The following DMD variants were observed in gnomAD, a reference collection of about 807,000 sequenced individuals.
DMD encodes the protein mutant dystrophin.
A neutral mutation model predicts 330.1 loss-of-function variants in DMD; 63 were observed. The ratio of observed to expected loss-of-function variants is 0.19; its 90% CI spans 0.16 to 0.24. The LOEUF is 0.24. DMD is among the 10% of genes least tolerant of loss of function. The pLI, the probability that DMD is intolerant of heterozygous loss-of-function variation, is 1.00. For synonymous variants in DMD, 1,223 were observed against 959.8 expected (o/e 1.27, Z -5.07); for missense variants, 3,344 against 2,684.1 (o/e 1.25, Z -5.43).
chrX:32,038,547 A>T (rs1413427206), intron 44 of DMD, among the ~76,000 whole-genome samples: 3 of 111,318 alleles, frequency 2.7e-5, no homozygotes, highest in Non-Finnish European at 5.7e-5. Context: ...TTAGAGGGAT[A>T]GACAGAGTTC....
In DMD at chrX:32,408,097, C is replaced by T. The variant is rs181988967; in HGVS notation, c.4233+3655G>A. ...ATGCAACTAACCTGCACGTTGTGCA[C>T]ATGTACCCTAAAACTTAAAGTATTA... On this transcript the variant is annotated intron_variant, in intron 30 of 78. Coordinates refer to ENST00000357033, the MANE Select transcript of DMD (RefSeq NM_004006.3). Among the ~76,000 whole-genome samples, 283 of 110,518 alleles carry T rather than the reference C, an allele frequency of 2.6e-3. 3 individuals are homozygous for T. Among genetic ancestry groups the T allele is most frequent in the African/African-American group, 8.0e-3 (242 of 30,316 alleles).
chrX:31,876,026 C>T (rs888600692), intron 47 of DMD, among the ~76,000 whole-genome samples: 16 of 112,158 alleles, frequency 1.4e-4, no homozygotes, highest in Admixed American at 2.8e-4. Flanking sequence ...TTTGTGAGTC[C>T]TAGTAAACAG....
intron 59 of DMD, among the ~76,000 whole-genome samples, chrX:31,448,029 A>G (rs868799597): frequency 1.7e-4 from 18 of 107,016 alleles, no homozygotes; most frequent in South Asian, 8.0e-4. Flanking sequence ...AAAAAAAAAA[A>G]AAAAGAAAAA....
At chrX:32,768,585 A>G (rs996602887) in intron 7 of DMD, among the ~76,000 whole-genome samples, 3 of 112,178 alleles carry the variant, frequency 2.7e-5, no homozygotes, top group Admixed American at 9.5e-5. Flanking sequence ...GTCAGAATGT[A>G]TCATTTTTTT....
chrX:31,416,464 T>C (rs1330287895), intron 60 of DMD, among the ~76,000 whole-genome samples: 1 of 112,432 alleles, frequency 8.9e-6, no homozygotes, highest in East Asian at 2.8e-4. Context: ...TAATTTTACG[T>C]CTGGTCTCCA....
intron 64 of DMD, among the ~76,000 whole-genome samples, chrX:31,213,367 A>G (rs2044972235): frequency 8.9e-6 from 1 of 112,467 alleles, no homozygotes; most frequent in Admixed American, 9.4e-5. Context: ...TTACCCGGGC[A>G]CAGTCAGACC....
chrX:33,287,005 C>T (rs1489626075), intron 1 of DMD, among the ~76,000 whole-genome samples: 2 of 111,774 alleles, frequency 1.8e-5, no homozygotes, highest in African/African-American at 3.3e-5. Context: ...ATCCTTGCAT[C>T]GTCACATGCA....
At chrX:31,992,873 C>T (rs1256507220) in intron 44 of DMD, among the ~76,000 whole-genome samples, 1 of 111,762 alleles carries the variant, frequency 8.9e-6, no homozygotes, top group Admixed American at 9.6e-5. Context: ...CAGCCAATCT[C>T]TTGGGAGAGT....
At position 32,595,116 on chromosome X, in the gene DMD, G is replaced by A. The variant is rs1368321190; in HGVS notation, c.1602+641C>T. ...GGCTGGAAGGCAGTAGCCATTAAAG[G>A]GGTATGCAATCATGGACAAATGCAG... On this transcript the variant is annotated intron_variant, in intron 13 of 78. Coordinates refer to ENST00000357033, the MANE Select transcript of DMD (RefSeq NM_004006.3). Among the ~76,000 whole-genome samples the A allele has an allele frequency of 3.6e-5, 4 of 111,725 alleles. No individual in the cohort carries two copies. In the Admixed American group the frequency reaches 3.8e-4, roughly 11 times the overall value.
At chrX:32,540,523 C>T (rs902633528) in intron 17 of DMD, among the ~76,000 whole-genome samples, 2 of 111,293 alleles carry the variant, frequency 1.8e-5, no homozygotes, top group Non-Finnish European at 3.8e-5. Flanking sequence ...TTATTAAGAA[C>T]AATTCCAGGA....
At chrX:32,481,914 G>A (rs1239432725) in intron 21 of DMD, among the ~76,000 whole-genome samples, 1 of 111,552 alleles carries the variant, frequency 9.0e-6, no homozygotes, top group East Asian at 2.8e-4. Context: ...ATTTATTAGT[G>A]AAAAAGTGAG....
intron 74 of DMD, among the ~76,000 whole-genome samples, chrX:31,153,466 A>G (rs1374146619): frequency 9.9e-6 from 1 of 100,738 alleles, no homozygotes; most frequent in African/African-American, 4.1e-5. Context: ...AGCCCCACTT[A>G]CTTTTTTTTT....
intron 17 of DMD, among the ~76,000 whole-genome samples, chrX:32,528,580 C>T (rs982808282): frequency 5.4e-5 from 6 of 111,691 alleles, no homozygotes; most frequent in Admixed American, 4.7e-4. Flanking sequence ...ACCTGAAAGA[C>T]TGGTTCAGGC....
At chrX:31,334,554 T>C (rs981854019) in intron 61 of DMD, among the ~76,000 whole-genome samples, 2 of 111,844 alleles carry the variant, frequency 1.8e-5, no homozygotes, top group Admixed American at 1.9e-4. Flanking sequence ...TCTTTTGTGA[T>C]TGGTATTTAA....
intron 1 of DMD, among the ~76,000 whole-genome samples, chrX:33,040,640 C>G (rs1338090668): frequency 9.0e-6 from 1 of 110,863 alleles, no homozygotes; most frequent in Non-Finnish European, 1.9e-5. Context: ...CAACCCCCGC[C>G]CCTCCAAACC....
chrX:32,819,517 G>C (rs1329644187), intron 5 of DMD, among the ~76,000 whole-genome samples: 1 of 111,612 alleles, frequency 9.0e-6, no homozygotes, highest in Non-Finnish European at 1.9e-5. Flanking sequence ...TATATGCTTT[G>C]CAATTTTGTT....
intron 50 of DMD, among the ~76,000 whole-genome samples, chrX:31,803,528 C>T (rs996963949): frequency 1.4e-4 from 16 of 111,466 alleles, no homozygotes; most frequent in African/African-American, 4.9e-4. Flanking sequence ...CTTGACCCCA[C>T]CCTTGTGTTC....
chrX:33,005,275 A>ACACAC (rs2093368869), intron 2 of DMD, among the ~76,000 whole-genome samples: 15 of 102,630 alleles, frequency 1.5e-4, no homozygotes, highest in Non-Finnish European at 3.0e-4. Context: ...CACACACACA[A>ACACAC]ACACACACAC....
At chrX:32,727,772 C>T (rs1298218731) in intron 7 of DMD, among the ~76,000 whole-genome samples, 3 of 108,727 alleles carry the variant, frequency 2.8e-5, no homozygotes, top group Non-Finnish European at 5.7e-5. Context: ...CACACATATA[C>T]ATATTAGCCT....
Sources: allele counts gnomAD v4.1 joint callset (sites outside exome capture counted in the v4.1 genomes callset), GRCh38; gene constraint gnomAD v4.1.1; transcripts MANE v1.5; gene names NCBI Gene and HGNC (gene_info 2026-07-23, HGNC 2026-07-21).